The following UNC80 variants were observed in gnomAD, a reference collection of about 807,000 sequenced individuals.
UNC80 encodes the protein unc-80 subunit of NALCN channel complex.
UNC80 carries 164 observed loss-of-function variants against 384.6 expected under a neutral mutation model. The observed-to-expected ratio is 0.43, with a 90% CI of 0.38 to 0.49. The LOEUF is 0.49. Ranked by LOEUF, UNC80 falls within the 20% of genes least tolerant of loss-of-function variation. UNC80 has a pLI of 0.00. For missense variants in UNC80, 3,330 were observed against 4,143.0 expected (o/e 0.80, Z 5.39); for synonymous variants, 1,486 against 1,527.8 (o/e 0.97, Z 0.64).
Position 209,881,047 on chromosome 2 carries a change from C to G in UNC80, c.4063C>G (p.Arg1355Gly), listed in dbSNP as rs750226213. 5 of 1,551,744 alleles carry G rather than the reference C, an allele frequency of 3.2e-6. No individual in the cohort carries two copies. Among genetic ancestry groups the G allele is most frequent in the Non-Finnish European group, 4.4e-6 (5 of 1,147,024 alleles). ...TCTTCTGGAGATTACCACCTTCCTG[C>G]GAGAGACCTTTTCTTGCCTGCCCAG... Reference protein sequence around the residue: ...QLLLEITTFLRETFSCLPRPR... With the variant: ...QLLLEITTFLGETFSCLPRPR... The change falls in exon 25 of 65, where the codon CGA becomes GGA. Residue 1355 changes from arginine to glycine, a missense_variant. Coordinates refer to ENST00000673920, the MANE Select transcript of UNC80 (RefSeq NM_001371986.1).
At chr2:209,981,344 G>A (rs909977715) in intron 59 of UNC80, among the ~76,000 whole-genome samples, 1 of 152,200 alleles carries the variant, frequency 6.6e-6, no homozygotes, top group South Asian at 2.1e-4. Context: ...TTGGGAGGCC[G>A]AGGCGGGTGG....
chr2:209,988,971 G>C (rs994151180), intron 61 of UNC80, among the ~76,000 whole-genome samples: 1 of 151,806 alleles, frequency 6.6e-6, no homozygotes, highest in African/African-American at 2.4e-5. Flanking sequence ...CTTATTACTT[G>C]GCCAAAACTA....
intron 35 of UNC80, among the ~76,000 whole-genome samples, chr2:209,922,927 C>G (rs2090151280): frequency 6.6e-6 from 1 of 152,118 alleles, no homozygotes; most frequent in Admixed American, 6.6e-5. Context: ...TGCTTATTGA[C>G]CATATGTATA....
chr2:209,878,292 C>G (rs901798462), intron 24 of UNC80, among the ~76,000 whole-genome samples: 3 of 152,126 alleles, frequency 2.0e-5, no homozygotes, highest in African/African-American at 7.2e-5. Context: ...AAAGAGAAGA[C>G]AGAGAGGGGC....
At chr2:209,941,958 A>T (rs2091660567) in intron 44 of UNC80, among the ~76,000 whole-genome samples, 1 of 152,188 alleles carries the variant, frequency 6.6e-6, no homozygotes, top group Non-Finnish European at 1.5e-5. Context: ...CTTGGAGCCC[A>T]TCCAGGTCTA....
chr2:209,773,219 AAACG>A, intron 2 of UNC80, 77 bp downstream of exon 2: 1 of 1,239,590 alleles, frequency 8.1e-7, no homozygotes, highest in Non-Finnish European at 1.2e-6. Flanking sequence ...ATTTTAAATC[AAACG>A]GACTATATAT....
intron 41 of UNC80, 103 bp from the exon 42 acceptor site, chr2:209,937,413 GCTGCTTTTCTCCT>G: frequency 1.3e-6 from 1 of 749,216 alleles, no homozygotes; most frequent in South Asian, 1.8e-5. Flanking sequence ...ATTGCCTTTA[GCTGCTTTTCTCCT>G]GGCATAGCAT....
chr2:209,949,726 C>A (rs2092074109), intron 47 of UNC80, among the ~76,000 whole-genome samples: 1 of 152,218 alleles, frequency 6.6e-6, no homozygotes, highest in Non-Finnish European at 1.5e-5. Context: ...GATCCACCCG[C>A]CTTGGCCTTC....
intron 13 of UNC80, among the ~76,000 whole-genome samples, chr2:209,821,138 G>A (rs946659473): frequency 7.5e-6 from 1 of 133,086 alleles, no homozygotes; most frequent in African/African-American, 3.5e-5. Flanking sequence ...GTGCTGTCAG[G>A]TTTAGTTTTA....
intron 7 of UNC80, among the ~76,000 whole-genome samples, chr2:209,810,766 C>G (rs1005933576): frequency 2.0e-5 from 3 of 152,076 alleles, no homozygotes; most frequent in African/African-American, 4.8e-5. Flanking sequence ...ATAATTTGGT[C>G]GAACTAATAA....
intron 6 of UNC80, among the ~76,000 whole-genome samples, chr2:209,791,591 C>T (rs977131629): frequency 3.9e-5 from 6 of 152,054 alleles, no homozygotes; most frequent in Admixed American, 6.5e-5. Flanking sequence ...CAGGCTGAGG[C>T]GGGCAGATCA....
chr2:209,817,825 G>A lies in UNC80; in HGVS notation c.1566G>A (p.Arg522=). The part of the protein sequence containing the change: ...WQTTILGKLT[R]RGSSDAATEM... ...TATTCATCCCAGGGAAATTGACCCG[G>A]CGAGGCAGTTCAGATGCAGCCACTG... The change falls in exon 11 of 65, where the codon CGG becomes CGA. Residue 522 remains arginine, a synonymous_variant. Coordinates refer to ENST00000673920, the MANE Select transcript of UNC80 (RefSeq NM_001371986.1). The A allele has an allele frequency of 1.3e-6, 2 of 1,551,568 alleles. No individual in the cohort carries two copies. The highest frequency in any genetic ancestry group is 1.7e-6 in the Non-Finnish European group (2 of 1,146,956).
At chr2:209,881,525 C>T (rs1050879260) in intron 25 of UNC80, among the ~76,000 whole-genome samples, 1 of 152,032 alleles carries the variant, frequency 6.6e-6, no homozygotes, top group African/African-American at 2.4e-5. Context: ...TGAAAGTACT[C>T]CAGTATTTAG....
chr2:209,972,860 G>A (rs534733752), intron 55 of UNC80, among the ~76,000 whole-genome samples: 28 of 152,274 alleles, frequency 1.8e-4, no homozygotes, highest in African/African-American at 6.7e-4. Context: ...ACAGGTTGTT[G>A]GGTACCCACT....
At chr2:209,785,446 G>C (rs1268403239) in intron 4 of UNC80, among the ~76,000 whole-genome samples, 4 of 152,200 alleles carry the variant, frequency 2.6e-5, no homozygotes, top group Admixed American at 2.6e-4. Flanking sequence ...TGTGTACCCA[G>C]TTCCTAATGC....
rs764143576 is a variant in UNC80 at position 209,935,828 on chromosome 2, G to A, written c.6273+20G>A. ...TTGAAGGTAGGAATGACTTTTAACA[G>A]AAACAATTTTTAAGGACAATGCTAT... On this transcript the variant is annotated intron_variant, in intron 40 of 64. Coordinates refer to ENST00000673920, the MANE Select transcript of UNC80 (RefSeq NM_001371986.1). 1.3e-6 allele frequency: 2 copies of A among 1,489,466 alleles called. No individual in the cohort carries two copies. The highest frequency in any genetic ancestry group is 1.3e-5 in the South Asian group (1 of 79,210). The allele number at this position is 1,489,466 out of a possible 1,614,324, so 92.3% of individuals were successfully genotyped here.
At chr2:209,781,653 T>C (rs185126732) in intron 4 of UNC80, among the ~76,000 whole-genome samples, 3 of 152,318 alleles carry the variant, frequency 2.0e-5, no homozygotes, top group African/African-American at 2.4e-5. Flanking sequence ...CGCTTTAACA[T>C]TGGGGGTCCC....
chr2:209,949,629 C>A (rs1193985542), intron 47 of UNC80, among the ~76,000 whole-genome samples: 1 of 152,074 alleles, frequency 6.6e-6, no homozygotes, highest in African/African-American at 2.4e-5. Context: ...AGGCACCCGC[C>A]ACCACACCCA....
intron 28 of UNC80, among the ~76,000 whole-genome samples, chr2:209,897,160 C>T (rs1342459209): frequency 2.0e-5 from 3 of 152,138 alleles, no homozygotes; most frequent in African/African-American, 7.2e-5. Flanking sequence ...ATCTCTGAGG[C>T]AGCTGTTTTT....
Sources: allele counts gnomAD v4.1 joint callset (sites outside exome capture counted in the v4.1 genomes callset), GRCh38; gene constraint gnomAD v4.1.1; transcripts MANE v1.5; gene names NCBI Gene and HGNC (gene_info 2026-07-23, HGNC 2026-07-21).